The following TTC7B variants were observed in gnomAD, a reference collection of about 807,000 sequenced individuals.
TTC7B encodes the protein tetratricopeptide repeat protein 7B.
In TTC7B, 28 loss-of-function variants were observed where a neutral mutation model predicts 106.8. The observed-to-expected ratio is 0.26, with a 90% confidence interval of 0.19 to 0.36. TTC7B has a LOEUF of 0.36. Among genes scored for constraint, TTC7B ranks in the 10% least tolerant of loss-of-function variants. TTC7B has a pLI of 1.00. For missense variants in TTC7B, 862 were observed against 1,076.4 expected (o/e 0.80, Z 2.79); for synonymous variants, 405 against 430.6 (o/e 0.94, Z 0.74).
At chr14:90,644,878 A>T (rs1383735900) in intron 14 of TTC7B, 3 of 152,290 alleles carry the variant, frequency 2.0e-5, no homozygotes, top group Non-Finnish European at 4.4e-5. Context: ...CCGCATGCAA[A>T]GCAGATGTGT....
At chr14:90,642,887 C>T (rs993076181) in intron 15 of TTC7B, among the ~76,000 whole-genome samples, 15 of 151,914 alleles carry the variant, frequency 9.9e-5, no homozygotes, top group African/African-American at 4.8e-5. Flanking sequence ...GGAGAATCAC[C>T]GAGAGCTAGT....
chr14:90,565,424 A>T (rs1199563381), intron 19 of TTC7B, among the ~76,000 whole-genome samples: 5 of 106,092 alleles, frequency 4.7e-5, no homozygotes, highest in Admixed American at 1.4e-4. Flanking sequence ...TTTTTTTGAG[A>T]CGGAGTCTTG....
chr14:90,749,944 A>G (rs1490440272), intron 3 of TTC7B, among the ~76,000 whole-genome samples: 1 of 152,216 alleles, frequency 6.6e-6, no homozygotes, highest in Non-Finnish European at 1.5e-5. Flanking sequence ...ATGGCCCTCC[A>G]GCCTAGGTTC....
At chr14:90,705,691 C>G (rs1220857857) in intron 5 of TTC7B, among the ~76,000 whole-genome samples, 1 of 152,204 alleles carries the variant, frequency 6.6e-6, no homozygotes. Flanking sequence ...TGCCAATGAA[C>G]AGCCCCCTCC....
At chr14:90,590,917 C>T (rs1376329639) in intron 18 of TTC7B, among the ~76,000 whole-genome samples, 2 of 152,232 alleles carry the variant, frequency 1.3e-5, no homozygotes, top group African/African-American at 2.4e-5. Context: ...AGTCACTTTC[C>T]ATAGTTCAAT....
At chr14:90,788,063 G>C (rs1390586753) in intron 1 of TTC7B, among the ~76,000 whole-genome samples, 2 of 130,586 alleles carry the variant, frequency 1.5e-5, no homozygotes, top group Non-Finnish European at 3.5e-5. Flanking sequence ...TACTAGGGAG[G>C]CTGAGGCAAG....
At chr14:90,804,871 C>T (rs990502194) in intron 1 of TTC7B, among the ~76,000 whole-genome samples, 7 of 152,180 alleles carry the variant, frequency 4.6e-5, no homozygotes, top group African/African-American at 9.7e-5. Flanking sequence ...TCTGCATTTG[C>T]GGAGAGATGA....
chr14:90,760,393 G>T (rs969343618), intron 3 of TTC7B, among the ~76,000 whole-genome samples: 6 of 152,146 alleles, frequency 3.9e-5, no homozygotes, highest in African/African-American at 1.2e-4. Flanking sequence ...GGGTTAGCAG[G>T]AGGACTTGAA....
At chr14:90,659,941 G>T (rs1886116977) in intron 9 of TTC7B, among the ~76,000 whole-genome samples, 1 of 152,160 alleles carries the variant, frequency 6.6e-6, no homozygotes, top group South Asian at 2.1e-4. Context: ...ATGTATCCCT[G>T]CTGAGAGGCC....
intron 17 of TTC7B, among the ~76,000 whole-genome samples, chr14:90,599,008 G>A (rs1225966847): frequency 1.6e-4 from 25 of 152,060 alleles, no homozygotes; most frequent in Admixed American, 5.9e-4. Context: ...AAAATTAGCC[G>A]GGCCTGGTGG....
rs959813016 is a variant in TTC7B, at chr14:90,615,634, C to T, written c.1868+2295G>A. ...CGGGAGTGTTGCAAGGTGTGCTGTCCCCTGAAAGACACAGCCCTTCCTTCA... is the reference window on the plus strand; with the variant it reads ...CGGGAGTGTTGCAAGGTGTGCTGTCTCCTGAAAGACACAGCCCTTCCTTCA... On this transcript the variant is annotated intron_variant, in intron 16 of 19. Transcript: ENST00000328459. 5.9e-5 allele frequency among the ~76,000 whole-genome samples: 9 copies of T among 152,198 alleles called. 1 individual carries two copies. The highest frequency in any genetic ancestry group is 1.0e-4 in the Non-Finnish European group (7 of 68,036).
At chr14:90,627,148 AT>A (rs1012696986) in intron 15 of TTC7B, among the ~76,000 whole-genome samples, 1 of 152,016 alleles carries the variant, frequency 6.6e-6, no homozygotes, top group Non-Finnish European at 1.5e-5. Context: ...TGACTGGCTA[AT>A]TAAAAAAAAT....
chr14:90,554,940 T>A (rs1035085223), intron 19 of TTC7B, among the ~76,000 whole-genome samples: 1 of 152,146 alleles, frequency 6.6e-6, no homozygotes, highest in African/African-American at 2.4e-5. Flanking sequence ...ATCTGAATGA[T>A]GTGGCGCAGG....
Position 90,528,352 on chromosome 14 carries a change from A to C in TTC7B, c.*13016T>G, listed in dbSNP as rs1889196421. 1 of 152,376 alleles carries C rather than the reference A, an allele frequency of 6.6e-6. No individual in the cohort carries two copies. Among genetic ancestry groups the C allele is most frequent in the Non-Finnish European group, 1.5e-5 (1 of 68,166 alleles). 9.4% of individuals were successfully genotyped at this position (152,376 alleles called of 1,614,324 possible). On this transcript the variant is annotated 3_prime_UTR_variant, in exon 20 of 20. Transcript: ENST00000328459. ...TGGACACTTTCACACTCTGCAGGTG[A>C]CCACGCAAAGTGGTAGAGCAACTTA...
At chr14:90,551,820 G>T (rs555157783) in intron 19 of TTC7B, among the ~76,000 whole-genome samples, 1 of 152,302 alleles carries the variant, frequency 6.6e-6, no homozygotes, top group African/African-American at 2.4e-5. Context: ...TTGAGTACAA[G>T]CATTTTGTGG....
chr14:90,701,153 G>A (rs1203014105), intron 5 of TTC7B, among the ~76,000 whole-genome samples: 1 of 152,118 alleles, frequency 6.6e-6, no homozygotes, highest in Non-Finnish European at 1.5e-5. Flanking sequence ...TAGTGACGGA[G>A]GGTGTGACAG....
At chr14:90,746,790 C>T (rs1889981296) in intron 3 of TTC7B, among the ~76,000 whole-genome samples, 1 of 152,188 alleles carries the variant, frequency 6.6e-6, no homozygotes, top group Non-Finnish European at 1.5e-5. Flanking sequence ...TCTAATTTAA[C>T]TTTTGCTTTC....
chr14:90,651,612 G>C (rs1274646391), intron 13 of TTC7B, among the ~76,000 whole-genome samples: 1 of 152,208 alleles, frequency 6.6e-6, no homozygotes, highest in Non-Finnish European at 1.5e-5. Context: ...CAAATCATTT[G>C]AAATGGAAAT....
intron 9 of TTC7B, among the ~76,000 whole-genome samples, chr14:90,658,806 G>C (rs1310014786): frequency 6.6e-6 from 1 of 152,204 alleles, no homozygotes; most frequent in African/African-American, 2.4e-5. Flanking sequence ...GCCCCACTAT[G>C]AGACACCATC....
Sources: gnomAD v4.1 joint callset for allele counts (sites outside exome capture counted in the v4.1 genomes callset) on GRCh38, gnomAD v4.1.1 for gene constraint, MANE v1.5 for transcripts, NCBI Gene and HGNC (gene_info 2026-07-23, HGNC 2026-07-21) for gene names.